Variants in CTNNA3 observed in about 807,000 individuals in gnomAD.
CTNNA3 encodes catenin alpha-3.
A neutral mutation model predicts 95.7 loss-of-function variants in CTNNA3; 76 were observed. That is an observed-to-expected ratio of 0.79 (90% confidence interval 0.66 to 0.96). The LOEUF (loss-of-function observed/expected upper bound fraction) is 0.96, where lower values mean the gene tolerates loss of function less well. CTNNA3 is among the 40% of genes least tolerant of loss of function. The pLI is 0.00. For synonymous variants in CTNNA3, 431 were observed against 374.4 expected (o/e 1.15, Z -1.74); for missense variants, 1,191 against 1,089.8 (o/e 1.09, Z -1.31).
intron 13 of CTNNA3, among the ~76,000 whole-genome samples, chr10:66,141,568 A>G (rs1261308674): frequency 6.6e-6 from 1 of 152,112 alleles, no homozygotes; most frequent in Non-Finnish European, 1.5e-5. Flanking sequence ...CCATCCTAAG[A>G]CAGATGTATC....
At position 67,579,233 on chromosome 10, in the gene CTNNA3, G is replaced by A. The variant is rs1021982557; in HGVS notation, c.292+27624C>T. ...CCCACCCCATAACAGGCCCCAGTGTGTGATGTTCCCCACCCTGTGTCCAAG... is the reference window on the plus strand; with the variant it reads ...CCCACCCCATAACAGGCCCCAGTGTATGATGTTCCCCACCCTGTGTCCAAG... On this transcript the variant is annotated intron_variant, in intron 3 of 17. Transcript: ENST00000433211. Among the ~76,000 whole-genome samples the A allele has an allele frequency of 1.4e-4, 14 of 101,286 alleles. No individual in the cohort carries two copies. The Admixed American group carries it at 2.1e-3, about 15-fold the overall frequency. The allele number at this position is 101,286 out of a possible 152,430, so 66.4% of individuals were successfully genotyped here.
rs555823214 is a variant in CTNNA3, at chr10:67,584,614, A to C, written c.292+22243T>G. Among the ~76,000 whole-genome samples, 3 of 152,346 alleles carry C rather than the reference A, an allele frequency of 2.0e-5. No homozygotes were observed. In the South Asian group the frequency reaches 6.2e-4, roughly 32 times the overall value. On this transcript the variant is annotated intron_variant, in intron 3 of 17. Transcript: ENST00000433211. The stretch of plus-strand genomic sequence containing the variant: ...CAAAGCTGTCAGACAGGGACATTTA[A>C]GTCTGCAGAAGTTTCTGCTGCCTTT...
chr10:67,253,960 T>C (rs1866224751), intron 5 of CTNNA3, among the ~76,000 whole-genome samples: 1 of 152,184 alleles, frequency 6.6e-6, no homozygotes, highest in African/African-American at 2.4e-5. Flanking sequence ...GTGTCCACTA[T>C]ATAAACGGCA....
chr10:67,568,560 C>CAT (rs201131914), intron 3 of CTNNA3, among the ~76,000 whole-genome samples: 4,017 of 151,396 alleles, frequency 0.027, 145 homozygotes, highest in African/African-American at 0.073. Flanking sequence ...CAGACACACA[C>CAT]ACATATATAT....
At chr10:66,988,029 T>C (rs1008707329) in intron 7 of CTNNA3, among the ~76,000 whole-genome samples, 3 of 152,194 alleles carry the variant, frequency 2.0e-5, no homozygotes, top group Non-Finnish European at 4.4e-5. Flanking sequence ...CTTTATTTAA[T>C]ATAATTTAGT....
chr10:66,860,908 C>G (rs1235702153), intron 7 of CTNNA3, among the ~76,000 whole-genome samples: 2 of 152,066 alleles, frequency 1.3e-5, no homozygotes, highest in Non-Finnish European at 2.9e-5. Context: ...GATAAATGGC[C>G]CACCTCATAG....
chr10:67,350,210 G>C (rs1431388823), intron 5 of CTNNA3, among the ~76,000 whole-genome samples: 2 of 152,056 alleles, frequency 1.3e-5, no homozygotes, highest in Non-Finnish European at 2.9e-5. Context: ...ACCATGCCTA[G>C]TGAATGTCAG....
intron 12 of CTNNA3, among the ~76,000 whole-genome samples, chr10:66,327,111 A>G (rs892103873): frequency 2.0e-5 from 3 of 151,964 alleles, no homozygotes. Flanking sequence ...CCACCTCTTG[A>G]CTCCTGGAAA....
rs543885797 is a variant in CTNNA3, at chr10:67,085,602, C to G, written c.1047+94715G>C. On this transcript the variant is annotated intron_variant, in intron 7 of 17. Coordinates refer to ENST00000433211, the MANE Select transcript of CTNNA3 (RefSeq NM_013266.4). Reference sequence around the variant, plus strand: ...CATAAGAGCTGTATTGTCAGACTTACTTTTAAAGTTTATGTTTGTGTCATA... The same window carrying G: ...CATAAGAGCTGTATTGTCAGACTTAGTTTTAAAGTTTATGTTTGTGTCATA... Among the ~76,000 whole-genome samples the G allele has an allele frequency of 1.7e-3, 261 of 152,000 alleles. 1 individual carries two copies. The highest frequency in any genetic ancestry group is 5.2e-3 in the South Asian group (25 of 4,828).
intron 13 of CTNNA3, among the ~76,000 whole-genome samples, chr10:66,146,397 T>C (rs185367808): frequency 2.0e-5 from 3 of 152,300 alleles, no homozygotes; most frequent in Admixed American, 1.3e-4. Context: ...TAACAGGAGT[T>C]ACTCCAAACT....
intron 7 of CTNNA3, among the ~76,000 whole-genome samples, chr10:66,851,743 T>C (rs7073237): frequency 0.58 from 87,400 of 151,492 alleles, 26,237 homozygotes; most frequent in Non-Finnish European, 0.63. Flanking sequence ...TACCAGAAGC[T>C]GAGCAGATGT....
At chr10:66,248,415 A>G (rs2090423806) in intron 13 of CTNNA3, among the ~76,000 whole-genome samples, 1 of 152,084 alleles carries the variant, frequency 6.6e-6, no homozygotes, top group South Asian at 2.1e-4. Context: ...TTACATGTAA[A>G]TGGATTAAAC....
intron 7 of CTNNA3, among the ~76,000 whole-genome samples, chr10:66,798,492 A>G (rs1841300786): frequency 6.6e-6 from 1 of 151,412 alleles, no homozygotes; most frequent in African/African-American, 2.4e-5. Context: ...AGTTTGGGAA[A>G]CTCTGGAGTT....
intron 11 of CTNNA3, among the ~76,000 whole-genome samples, chr10:66,439,633 A>G (rs899707163): frequency 2.0e-5 from 3 of 152,316 alleles, no homozygotes; most frequent in Admixed American, 6.5e-5. Context: ...GATATAGCAT[A>G]ATAGACTATT....
intron 2 of CTNNA3, among the ~76,000 whole-genome samples, chr10:67,633,099 G>A (rs1012900582): frequency 6.6e-6 from 1 of 152,100 alleles, no homozygotes; most frequent in Admixed American, 6.5e-5. Flanking sequence ...CAATAGCACA[G>A]CTGCCTTGCC....
chr10:67,338,085 T>C (rs1842057867), intron 5 of CTNNA3, among the ~76,000 whole-genome samples: 1 of 152,134 alleles, frequency 6.6e-6, no homozygotes, highest in Non-Finnish European at 1.5e-5. Flanking sequence ...AGGAGCCAGA[T>C]TGTGTTAGGC....
chr10:66,333,991 CT>C (rs1194088207), intron 12 of CTNNA3, among the ~76,000 whole-genome samples: 1 of 152,058 alleles, frequency 6.6e-6, no homozygotes, highest in East Asian at 1.9e-4. Flanking sequence ...TAATGGCCGT[CT>C]TTATCTCTTT....
chr10:66,687,143 TAAG>T (rs1392744739), intron 9 of CTNNA3, among the ~76,000 whole-genome samples: 1 of 151,908 alleles, frequency 6.6e-6, no homozygotes, highest in East Asian at 1.9e-4. Flanking sequence ...ATGTACCAAC[TAAG>T]AAGAAGGGAA....
chr10:66,009,418 C>G (rs931408189), intron 15 of CTNNA3, among the ~76,000 whole-genome samples: 4 of 152,090 alleles, frequency 2.6e-5, no homozygotes, highest in Non-Finnish European at 5.9e-5. Flanking sequence ...CACAGACAAC[C>G]CTTTAATAAA....
Sources: gnomAD v4.1 joint callset for allele counts (sites outside exome capture counted in the v4.1 genomes callset) on GRCh38, gnomAD v4.1.1 for gene constraint, MANE v1.5 for transcripts, NCBI Gene and HGNC (gene_info 2026-07-23, HGNC 2026-07-21) for gene names.